DNAH14: variants seen among roughly 807,000 people sequenced by gnomAD.
DNAH14 encodes dynein axonemal heavy chain 14.
In DNAH14, 478 loss-of-function variants were observed where a neutral mutation model predicts 520.9. That is an observed-to-expected ratio of 0.92 (90% CI 0.85 to 0.99). The LOEUF (loss-of-function observed/expected upper bound fraction) is 0.99. DNAH14 is among the 50% of genes least tolerant of loss of function. The probability of loss-of-function intolerance (pLI) is 0.00; values close to 1 mark genes in which losing one functional copy is unlikely to be tolerated. For missense variants in DNAH14, 4,831 were observed against 5,234.5 expected (o/e 0.92, Z 2.38); for synonymous variants, 1,581 against 1,757.2 (o/e 0.90, Z 2.51).
chr1:225,184,412 G>A (rs1034148798), intron 36 of DNAH14, among the ~76,000 whole-genome samples: 2 of 152,074 alleles, frequency 1.3e-5, no homozygotes, highest in Non-Finnish European at 2.9e-5. Flanking sequence ...TTGAGACTAG[G>A]AGTTCAAGAC....
In DNAH14 at chr1:225,255,789, TCAGA is replaced by T. The variant is rs554506190; in HGVS notation, c.6866-2167_6866-2164del. ...ATGACTAGAATAAAGGTATATATTCTCAGACAGCCATGCTTACCATTTATAAAGA... is the reference window on the plus strand; with the variant it reads ...ATGACTAGAATAAAGGTATATATTCTCAGCCATGCTTACCATTTATAAAGA... On this transcript the variant is annotated intron_variant, in intron 44 of 85. Transcript: ENST00000682510. Among the ~76,000 whole-genome samples the T allele has an allele frequency of 4.6e-5, 7 of 152,230 alleles. No individual in the cohort carries two copies. In the South Asian group the frequency reaches 1.5e-3, roughly 32 times the overall value.
At chr1:225,222,857 A>G (rs951468863) in intron 41 of DNAH14, among the ~76,000 whole-genome samples, 2 of 152,148 alleles carry the variant, frequency 1.3e-5, no homozygotes, top group Non-Finnish European at 2.9e-5. Flanking sequence ...AGGGTACACT[A>G]GACATAGAGC....
chr1:225,023,358 CTCTG>C (rs539820476), intron 10 of DNAH14, among the ~76,000 whole-genome samples: 151 of 149,960 alleles, frequency 1.0e-3, no homozygotes, highest in African/African-American at 3.5e-3. Flanking sequence ...GGTTAGTCTC[CTCTG>C]TCTTTTTTTT....
At chr1:225,216,147 ACTTACGAAG>A (rs1332324902) in intron 41 of DNAH14, among the ~76,000 whole-genome samples, 1 of 152,052 alleles carries the variant, frequency 6.6e-6, no homozygotes, top group East Asian at 1.9e-4. Flanking sequence ...TTTCTCCTTC[ACTTACGAAG>A]CTTAGTTTGG....
chr1:225,290,804 A>G (rs2093870585), intron 55 of DNAH14, among the ~76,000 whole-genome samples: 1 of 150,960 alleles, frequency 6.6e-6, no homozygotes, highest in Non-Finnish European at 1.5e-5. Flanking sequence ...TGATGTTTCA[A>G]TACATGTAAG....
At chr1:225,226,432 A>G (rs992955474) in intron 41 of DNAH14, among the ~76,000 whole-genome samples, 3 of 152,202 alleles carry the variant, frequency 2.0e-5, no homozygotes, top group Admixed American at 2.0e-4. Context: ...GTAGCCTCAA[A>G]CCAGGCAACA....
chr1:225,016,903 A>G (rs1255545263), intron 10 of DNAH14, among the ~76,000 whole-genome samples: 1 of 151,678 alleles, frequency 6.6e-6, no homozygotes, highest in Non-Finnish European at 1.5e-5. Context: ...GTTCTTTTCT[A>G]TGATATATAT....
At chr1:225,085,927 C>T in intron 21 of DNAH14, 138 bp downstream of exon 21, 1 of 922,246 alleles carries the variant, frequency 1.1e-6, no homozygotes, top group East Asian at 3.0e-5. Flanking sequence ...TGAATATTTA[C>T]TAGTTTGAAT....
chr1:225,328,835 G>A (rs544795351), intron 64 of DNAH14, among the ~76,000 whole-genome samples: 34 of 152,148 alleles, frequency 2.2e-4, no homozygotes, highest in Non-Finnish European at 4.4e-4. Context: ...CAAAATGGGT[G>A]AATGAGCAAG....
intron 15 of DNAH14, among the ~76,000 whole-genome samples, chr1:225,048,084 T>C (rs886248017): frequency 6.6e-6 from 1 of 152,186 alleles, no homozygotes; most frequent in African/African-American, 2.4e-5. Context: ...CTCCATTCCC[T>C]TATCTGTGGC....
intron 23 of DNAH14, among the ~76,000 whole-genome samples, chr1:225,102,379 G>T (rs1395320422): frequency 6.6e-6 from 1 of 152,144 alleles, no homozygotes; most frequent in East Asian, 1.9e-4. Context: ...ATCGCAGCAT[G>T]ATTTATAATC....
At chr1:225,006,490 A>G (rs2064180090) in intron 9 of DNAH14, among the ~76,000 whole-genome samples, 1 of 152,170 alleles carries the variant, frequency 6.6e-6, no homozygotes, top group Non-Finnish European at 1.5e-5. Context: ...AAGGGAATGC[A>G]TTCCCAGGGG....
At chr1:225,081,372 G>T (rs2073097466) in intron 19 of DNAH14, among the ~76,000 whole-genome samples, 1 of 152,054 alleles carries the variant, frequency 6.6e-6, no homozygotes, top group African/African-American at 2.4e-5. Context: ...AATTATTTAA[G>T]AAATATAACA....
Position 225,201,858 on chromosome 1 carries a change from G to A in DNAH14, c.5887-2325G>A, listed in dbSNP as rs546017230. On this transcript the variant is annotated intron_variant, in intron 38 of 85. Transcript: ENST00000682510. ...CTTGTTGGCCTCCTGCCAGGAGGTA[G>A]CACTTTCTTTCTTCCTTTTTTTTTT... Among the ~76,000 whole-genome samples, 508 of 148,582 alleles carry A rather than the reference G, an allele frequency of 3.4e-3. 4 individuals carry two copies. Among genetic ancestry groups the A allele is most frequent in the African/African-American group, 0.012 (490 of 39,704 alleles).
At position 225,192,681 on chromosome 1, in the gene DNAH14, C is replaced by G; in HGVS notation, c.5671-15C>G. 1 of 1,525,038 alleles carries G rather than the reference C, an allele frequency of 6.6e-7. No homozygotes were observed. Among genetic ancestry groups the G allele is most frequent in the Non-Finnish European group, 8.9e-7 (1 of 1,125,246 alleles). 94.5% of individuals were successfully genotyped at this position (1,525,038 alleles called of 1,614,324 possible). ...ATAGTTAATGTCTTTAAAAACTACA[C>G]TGGATTTTTCCCAGATTTCAGAAAG... On this transcript the variant is annotated splice_polypyrimidine_tract_variant and intron_variant, in intron 37 of 85. Coordinates refer to ENST00000682510, the MANE Select transcript of DNAH14 (RefSeq NM_001367479.1).
chr1:225,200,557 G>A (rs770802837), intron 38 of DNAH14, among the ~76,000 whole-genome samples: 13 of 152,092 alleles, frequency 8.5e-5, no homozygotes, highest in Middle Eastern at 3.4e-3. Context: ...TTCTCTCAGC[G>A]TTTGTTTGTC....
chr1:225,327,104 A>G (rs1316376490), intron 64 of DNAH14, among the ~76,000 whole-genome samples: 2 of 152,168 alleles, frequency 1.3e-5, no homozygotes, highest in Non-Finnish European at 2.9e-5. Flanking sequence ...TTTAAAAGAC[A>G]TATACCATAA....
intron 26 of DNAH14, 74 bp from the exon 27 acceptor site, chr1:225,123,453 G>A (rs558182036): frequency 1.6e-4 from 45 of 277,202 alleles, no homozygotes; most frequent in South Asian, 1.3e-3. Flanking sequence ...CTGTGACCTC[G>A]TCATGCTTGG....
At chr1:224,983,377 G>T (rs569618956) in intron 8 of DNAH14, among the ~76,000 whole-genome samples, 1 of 152,070 alleles carries the variant, frequency 6.6e-6, no homozygotes, top group Non-Finnish European at 1.5e-5. Flanking sequence ...AAAACCCTCA[G>T]CAAAATCGGC....
Sources: allele counts gnomAD v4.1 joint callset (sites outside exome capture counted in the v4.1 genomes callset), GRCh38; gene constraint gnomAD v4.1.1; transcripts MANE v1.5; gene names NCBI Gene and HGNC (gene_info 2026-07-23, HGNC 2026-07-21).